The following KCNMB2 variants were observed in gnomAD, a reference collection of about 807,000 sequenced individuals.
The protein encoded by KCNMB2 is calcium-activated potassium channel subunit beta-2.
A neutral mutation model predicts 24.5 loss-of-function variants in KCNMB2; 9 were observed. That is an observed-to-expected ratio of 0.37 (90% CI 0.22 to 0.64). KCNMB2 has a LOEUF of 0.64. Ranked by LOEUF, KCNMB2 falls within the 30% of genes least tolerant of loss-of-function variation. KCNMB2 has a pLI of 0.63. For synonymous variants in KCNMB2, 109 were observed against 104.4 expected (o/e 1.04, Z -0.27); for missense variants, 226 against 284.3 (o/e 0.79, Z 1.47).
rs557043860 is a variant in KCNMB2 at position 178,740,440 on chromosome 3, TA to T, written c.-67-66902del. ...TGGCCCCCGTAAACATTTTTTATTA[TA>T]GATATTAGCAGTTGGTTAGATTTTC... On this transcript the variant is annotated intron_variant, in intron 1 of 4. Transcript: ENST00000452583. Among the ~76,000 whole-genome samples, 83 of 152,276 alleles carry T rather than the reference TA, an allele frequency of 5.5e-4. 2 individuals carry two copies. In the South Asian group the frequency reaches 0.017, roughly 30 times the overall value.
chr3:178,599,888 A>G (rs930772224), intron 1 of KCNMB2, among the ~76,000 whole-genome samples: 1 of 152,016 alleles, frequency 6.6e-6, no homozygotes, highest in Non-Finnish European at 1.5e-5. Flanking sequence ...TAGCCTTTTT[A>G]TTGAGATGGA....
At chr3:178,665,482 CAT>C (rs1720686077) in intron 1 of KCNMB2, among the ~76,000 whole-genome samples, 1 of 152,096 alleles carries the variant, frequency 6.6e-6, no homozygotes, top group South Asian at 2.1e-4. Flanking sequence ...CATTTTATTA[CAT>C]AGTGTTTCTT....
intron 1 of KCNMB2, among the ~76,000 whole-genome samples, chr3:178,657,727 G>C (rs898760966): frequency 2.0e-5 from 3 of 152,164 alleles, no homozygotes; most frequent in Non-Finnish European, 2.9e-5. Context: ...CTAGAGGCTG[G>C]GAAGTTCAAG....
intron 1 of KCNMB2, among the ~76,000 whole-genome samples, chr3:178,559,625 T>G (rs1450293553): frequency 1.3e-5 from 2 of 150,042 alleles, no homozygotes; most frequent in African/African-American, 2.5e-5. Flanking sequence ...AGAAATTGTC[T>G]TACAAAAACA....
At chr3:178,605,341 T>A (rs970442008) in intron 1 of KCNMB2, among the ~76,000 whole-genome samples, 16 of 152,342 alleles carry the variant, frequency 1.1e-4, no homozygotes, top group Non-Finnish European at 1.9e-4. Context: ...AATAAATTTC[T>A]GTTGTTTATA....
At chr3:178,547,497 C>T (rs1715811749) in intron 1 of KCNMB2, among the ~76,000 whole-genome samples, 1 of 152,126 alleles carries the variant, frequency 6.6e-6, no homozygotes, top group African/African-American at 2.4e-5. Flanking sequence ...CATCATAAAA[C>T]ATTTTAAAAT....
At chr3:178,722,524 A>G (rs965011229) in intron 1 of KCNMB2, among the ~76,000 whole-genome samples, 5 of 152,182 alleles carry the variant, frequency 3.3e-5, no homozygotes, top group African/African-American at 1.2e-4. Context: ...CTCTGGTGAT[A>G]ATGAGCCTAC....
chr3:178,648,074 A>T (rs1719982365), intron 1 of KCNMB2, among the ~76,000 whole-genome samples: 1 of 152,172 alleles, frequency 6.6e-6, no homozygotes, highest in Non-Finnish European at 1.5e-5. Flanking sequence ...CATCAAGTGC[A>T]TGCAGAGCCC....
At chr3:178,650,263 T>C (rs899658580) in intron 1 of KCNMB2, among the ~76,000 whole-genome samples, 7 of 152,138 alleles carry the variant, frequency 4.6e-5, no homozygotes, top group Non-Finnish European at 1.0e-4. Context: ...TTGCTCCCAA[T>C]TATGTGGTCA....
intron 1 of KCNMB2, among the ~76,000 whole-genome samples, chr3:178,696,851 T>TTTACCAAACTAC (rs11267174): frequency 0.71 from 108,107 of 151,752 alleles, 38,973 homozygotes; most frequent in African/African-American, 0.85. Flanking sequence ...GTAAATTACT[T>TTTACCAAACTAC]TTACCAAATA....
chr3:178,616,962 A>T (rs1170619658), intron 1 of KCNMB2, among the ~76,000 whole-genome samples: 1 of 152,158 alleles, frequency 6.6e-6, no homozygotes, highest in African/African-American at 2.4e-5. Context: ...CCCTGTAGAC[A>T]TTTTAGGACT....
rs564489308 is a variant in KCNMB2, at chr3:178,619,279, C to G, written c.-68+82568C>G. ...TAAAATAAGCAACTGTTCATCTCCT[C>G]TAAGAATAAATGTCAGAAGTCACAT... On this transcript the variant is annotated intron_variant, in intron 1 of 4. Transcript: ENST00000452583. Among the ~76,000 whole-genome samples the G allele has an allele frequency of 3.9e-5, 6 of 152,186 alleles. No homozygotes were observed. In the East Asian group the frequency reaches 1.2e-3, roughly 29 times the overall value.
At chr3:178,562,277 CT>C (rs1239988216) in intron 1 of KCNMB2, among the ~76,000 whole-genome samples, 1 of 152,142 alleles carries the variant, frequency 6.6e-6, no homozygotes, top group Non-Finnish European at 1.5e-5. Context: ...TGAAATAGGT[CT>C]TAGTAAGTGG....
At chr3:178,672,550 T>C (rs1454218660) in intron 1 of KCNMB2, among the ~76,000 whole-genome samples, 1 of 152,190 alleles carries the variant, frequency 6.6e-6, no homozygotes, top group Non-Finnish European at 1.5e-5. Flanking sequence ...GCTGTGTAAC[T>C]GATAGCCTAG....
At chr3:178,580,551 C>G (rs1161999410) in intron 1 of KCNMB2, among the ~76,000 whole-genome samples, 2 of 152,092 alleles carry the variant, frequency 1.3e-5, no homozygotes, top group Admixed American at 1.3e-4. Context: ...AAAAGGTATT[C>G]AAATAGGAAG....
At chr3:178,645,591 T>C (rs940074067) in intron 1 of KCNMB2, among the ~76,000 whole-genome samples, 4 of 152,090 alleles carry the variant, frequency 2.6e-5, no homozygotes, top group Admixed American at 1.3e-4. Flanking sequence ...TGGGAGCCAG[T>C]GTAGGAGAAT....
At chr3:178,629,633 C>T (rs1719242891) in intron 1 of KCNMB2, among the ~76,000 whole-genome samples, 1 of 152,072 alleles carries the variant, frequency 6.6e-6, no homozygotes, top group Admixed American at 6.6e-5. Context: ...TACAGAGTAC[C>T]TCTTATAGTA....
intron 1 of KCNMB2, among the ~76,000 whole-genome samples, chr3:178,784,725 A>T (rs532230031): frequency 7.9e-5 from 12 of 152,122 alleles, no homozygotes; most frequent in Non-Finnish European, 1.3e-4. Flanking sequence ...ATTTTTTTAA[A>T]TACATCTTTA....
intron 1 of KCNMB2, among the ~76,000 whole-genome samples, chr3:178,707,665 T>G (rs555793969): frequency 6.6e-6 from 1 of 152,248 alleles, no homozygotes; most frequent in African/African-American, 2.4e-5. Flanking sequence ...ATAAGTAATT[T>G]TTAAAGGCGA....
Sources: allele counts gnomAD v4.1 joint callset (sites outside exome capture counted in the v4.1 genomes callset), GRCh38; gene constraint gnomAD v4.1.1; transcripts MANE v1.5; gene names NCBI Gene and HGNC (gene_info 2026-07-23, HGNC 2026-07-21).